SH3RF3: variants seen among roughly 807,000 people sequenced by gnomAD.
The protein encoded by SH3RF3 is E3 ubiquitin-protein ligase SH3RF3.
In SH3RF3, 29 loss-of-function variants were observed where a neutral mutation model predicts 66.3. The observed-to-expected ratio is 0.44, with a 90% CI of 0.33 to 0.60. The LOEUF (loss-of-function observed/expected upper bound fraction) is 0.60. Among genes scored for constraint, SH3RF3 ranks in the 20% least tolerant of loss-of-function variants. SH3RF3 has a pLI of 0.04. For missense variants in SH3RF3, 1,194 were observed against 1,190.9 expected, an observed-to-expected ratio of 1.00 and a Z score of -0.04; for synonymous variants, 583 against 532.0, an observed-to-expected ratio of 1.10 and a Z score of -1.32.
chr2:109,416,154 C>A (rs530533516), intron 4 of SH3RF3, among the ~76,000 whole-genome samples: 1 of 152,200 alleles, frequency 6.6e-6, no homozygotes, highest in South Asian at 2.1e-4. Flanking sequence ...GGTATTCTGT[C>A]GTAAGCAACA....
At chr2:109,454,528 C>A (rs899490925) in intron 8 of SH3RF3, among the ~76,000 whole-genome samples, 3 of 152,214 alleles carry the variant, frequency 2.0e-5, no homozygotes, top group African/African-American at 7.2e-5. Flanking sequence ...AGCGCTCCCG[C>A]CGGCTGCCTG....
chr2:109,146,024 T>TGGGCCGACGGAGTCCATGC (rs1400373809), intron 1 of SH3RF3, among the ~76,000 whole-genome samples: 5,023 of 151,890 alleles, frequency 0.033, 255 homozygotes, highest in African/African-American at 0.11. Context: ...CTTGTCTATG[T>TGGGCCGACGGAGTCCATGC]GGGCCGACGG....
chr2:109,487,072 G>A (rs2104366200), intron 8 of SH3RF3, among the ~76,000 whole-genome samples: 1 of 152,312 alleles, frequency 6.6e-6, no homozygotes, highest in African/African-American at 2.4e-5. Flanking sequence ...GTTTGCAGAA[G>A]AAGGCAGTCA....
At position 109,321,462 on chromosome 2, in the gene SH3RF3, T is replaced by A. The variant is rs1439691730; in HGVS notation, c.574-26212T>A. ...TTTTGATTATCAGCTTATAGTATTT[T>A]TAAAATTAGATTATGCTTTGTTTCC... On this transcript the variant is annotated intron_variant, in intron 1 of 9. Transcript: ENST00000309415. Among the ~76,000 whole-genome samples the A allele has an allele frequency of 2.0e-5, 3 of 152,254 alleles. No homozygotes were observed. The East Asian group carries it at 5.8e-4, about 29-fold the overall frequency.
chr2:109,170,738 T>C (rs1230488054), intron 1 of SH3RF3, among the ~76,000 whole-genome samples: 1 of 152,222 alleles, frequency 6.6e-6, no homozygotes, highest in African/African-American at 2.4e-5. Context: ...GCATTGACCA[T>C]GTGCCAGGCA....
chr2:109,288,991 C>A (rs1284464728), intron 1 of SH3RF3, among the ~76,000 whole-genome samples: 1 of 152,168 alleles, frequency 6.6e-6, no homozygotes, highest in Non-Finnish European at 1.5e-5. Context: ...CATAAAAAAT[C>A]ATTCTGGCTG....
intron 1 of SH3RF3, among the ~76,000 whole-genome samples, chr2:109,314,034 A>G (rs1398819200): frequency 6.6e-6 from 1 of 152,168 alleles, no homozygotes; most frequent in African/African-American, 2.4e-5. Flanking sequence ...CTGGACACTG[A>G]GAAAAGGAAG....
chr2:109,398,754 G>A lies in SH3RF3; in HGVS notation c.1110G>A (p.Val370=), dbSNP rs1198797954. The part of the protein sequence containing the change: ...SGAVSAFQRR[V]DGKKNTKKRH... ...CGGTCAGTGCCTTTCAGCGGCGTGT[G>A]GATGGCAAGAAGAACACCAAGAAAC... The change falls in exon 4 of 10, where the codon GTG becomes GTA. Residue 370 remains valine, a synonymous_variant. Transcript: ENST00000309415. The A allele has an allele frequency of 1.2e-6, 2 of 1,613,644 alleles. No homozygotes were observed. Among genetic ancestry groups the A allele is most frequent in the Admixed American group, 1.7e-5 (1 of 59,974 alleles).
intron 1 of SH3RF3, among the ~76,000 whole-genome samples, chr2:109,180,455 T>G (rs1423997534): frequency 6.6e-6 from 1 of 152,170 alleles, no homozygotes; most frequent in Non-Finnish European, 1.5e-5. Context: ...TGACTTCCCC[T>G]GGCCCAGTGA....
intron 1 of SH3RF3, among the ~76,000 whole-genome samples, chr2:109,329,269 A>G (rs1171241483): frequency 6.6e-6 from 1 of 152,152 alleles, no homozygotes; most frequent in African/African-American, 2.4e-5. Context: ...GATTGCTTCT[A>G]AATCTCTCCA....
chr2:109,254,707 T>C (rs1310392545), intron 1 of SH3RF3, among the ~76,000 whole-genome samples: 1 of 152,172 alleles, frequency 6.6e-6, no homozygotes, highest in Non-Finnish European at 1.5e-5. Context: ...GGTTGTCTCT[T>C]TCTGTGCCAG....
At chr2:109,153,606 A>T (rs1574477150) in intron 1 of SH3RF3, among the ~76,000 whole-genome samples, 1 of 152,334 alleles carries the variant, frequency 6.6e-6, no homozygotes, top group Non-Finnish European at 1.5e-5. Flanking sequence ...TGTGTGTGGA[A>T]GCTGCCGCTG....
chr2:109,437,135 C>A lies in SH3RF3; in HGVS notation c.1817C>A (p.Thr606Asn). The change falls in exon 7 of 10, where the codon ACC becomes AAC. Residue 606 changes from threonine to asparagine, a missense_variant. Transcript: ENST00000309415. ...AQPTASQARS[T>N]ISTAAHSAAQ... ...CCAACGGCCAGCCAAGCCCGGAGCA[C>A]CATTTCAACAGGTACCTTCACAGGG... 1.2e-6 allele frequency: 2 copies of A among 1,610,536 alleles called. No homozygotes were observed. Among genetic ancestry groups the A allele is most frequent in the Non-Finnish European group, 1.7e-6 (2 of 1,177,726 alleles).
intron 1 of SH3RF3, among the ~76,000 whole-genome samples, chr2:109,342,216 G>C (rs570058450): frequency 2.6e-5 from 4 of 152,164 alleles, no homozygotes; most frequent in African/African-American, 7.2e-5. Flanking sequence ...TCCCCATTCC[G>C]CCAGGCCCAG....
At chr2:109,470,398 C>G (rs779946803) in intron 8 of SH3RF3, among the ~76,000 whole-genome samples, 2 of 152,192 alleles carry the variant, frequency 1.3e-5, no homozygotes, top group African/African-American at 4.8e-5. Flanking sequence ...CCTGGAAGCG[C>G]CTTGTCAATC....
At chr2:109,170,836 A>G (rs573973251) in intron 1 of SH3RF3, among the ~76,000 whole-genome samples, 1 of 152,310 alleles carries the variant, frequency 6.6e-6, no homozygotes, top group Admixed American at 6.5e-5. Flanking sequence ...CTGTGAACAG[A>G]GAGGGCGCTT....
chr2:109,306,345 A>G (rs887212463), intron 1 of SH3RF3, among the ~76,000 whole-genome samples: 11 of 152,000 alleles, frequency 7.2e-5, no homozygotes, highest in African/African-American at 2.2e-4. Context: ...CCTGCCTCCA[A>G]CCCCTGCGCA....
At chr2:109,156,272 A>T (rs941249368) in intron 1 of SH3RF3, among the ~76,000 whole-genome samples, 2 of 152,176 alleles carry the variant, frequency 1.3e-5, no homozygotes, top group East Asian at 3.9e-4. Flanking sequence ...ACCACCAGAG[A>T]TCGAGTTGCT....
Position 109,378,246 on chromosome 2 carries a change from T to C in SH3RF3, c.945+6565T>C, listed in dbSNP as rs79445402. Among the ~76,000 whole-genome samples, 962 of 152,292 alleles carry C rather than the reference T, an allele frequency of 6.3e-3. 10 individuals carry two copies. The highest frequency in any genetic ancestry group is 0.048 in the East Asian group (246 of 5,168). On this transcript the variant is annotated intron_variant, in intron 3 of 9. Coordinates refer to ENST00000309415, the MANE Select transcript of SH3RF3 (RefSeq NM_001099289.3). Reference sequence around the variant, plus strand: ...TTGCACTCTGGGTCAGGGAGCTGGCTCATATTCACAGTCCTGGTCTCTGCC... The same window carrying C: ...TTGCACTCTGGGTCAGGGAGCTGGCCCATATTCACAGTCCTGGTCTCTGCC...
Sources: gnomAD v4.1 joint callset for allele counts (sites outside exome capture counted in the v4.1 genomes callset) on GRCh38, gnomAD v4.1.1 for gene constraint, MANE v1.5 for transcripts, NCBI Gene and HGNC (gene_info 2026-07-23, HGNC 2026-07-21) for gene names.